Variants in SLC25A21 observed in about 807,000 individuals in gnomAD.
SLC25A21 encodes solute carrier family 25 member 21.
Under a neutral mutation model 43.8 loss-of-function variants are expected in SLC25A21, and 47 were observed. The observed-to-expected ratio is 1.07, with a 90% CI of 0.85 to 1.37. The LOEUF is 1.37. SLC25A21 is among the 40% of genes most tolerant of loss of function. SLC25A21 has a pLI of 0.00. For synonymous variants in SLC25A21, 131 were observed against 121.3 expected (o/e 1.08, Z -0.52); for missense variants, 352 against 350.2 (o/e 1.00, Z -0.04).
At chr14:36,747,320 A>T (rs1054734659) in intron 3 of SLC25A21, among the ~76,000 whole-genome samples, 2 of 152,218 alleles carry the variant, frequency 1.3e-5, no homozygotes, top group Non-Finnish European at 2.9e-5. Flanking sequence ...ACCACATGTT[A>T]GCTGTTTACC....
intron 7 of SLC25A21, among the ~76,000 whole-genome samples, chr14:36,700,219 A>T (rs1435725603): frequency 6.6e-6 from 1 of 152,090 alleles, no homozygotes; most frequent in Non-Finnish European, 1.5e-5. Context: ...AAAATAAAAC[A>T]CATTCTTCCT....
chr14:37,056,503 A>C (rs568005873), intron 1 of SLC25A21, among the ~76,000 whole-genome samples: 21 of 152,028 alleles, frequency 1.4e-4, no homozygotes, highest in African/African-American at 4.6e-4. Context: ...AAAAAAAAAA[A>C]AATTACCTAG....
chr14:37,095,764 C>A (rs1962677199), intron 1 of SLC25A21, among the ~76,000 whole-genome samples: 1 of 150,376 alleles, frequency 6.6e-6, no homozygotes, highest in Non-Finnish European at 1.5e-5. Context: ...GATATCCTGT[C>A]TTTAAAAAAA....
chr14:36,894,752 A>C (rs1392435863), intron 1 of SLC25A21, among the ~76,000 whole-genome samples: 2 of 152,094 alleles, frequency 1.3e-5, no homozygotes, highest in Non-Finnish European at 2.9e-5. Flanking sequence ...AGCAAGAAGC[A>C]TTGTTGAATT....
rs34721973 is a variant in SLC25A21 at position 36,989,886 on chromosome 14, C to CA, written c.71-114883dup. 1.5e-3 allele frequency among the ~76,000 whole-genome samples: 216 copies of CA among 148,138 alleles called. 2 individuals are homozygous for CA. The highest frequency in any genetic ancestry group is 5.1e-3 in the African/African-American group (204 of 40,350). ...GATATGAGCATATGACTTTCCTTTT[C>CA]AAAAAAAAAGGGAGAGAGAAAGAGA... is the stretch of plus-strand genomic sequence containing the variant. On this transcript the variant is annotated intron_variant, in intron 1 of 9. Transcript: ENST00000331299.
chr14:36,972,570 G>A (rs142919262), intron 1 of SLC25A21, among the ~76,000 whole-genome samples: 141 of 151,116 alleles, frequency 9.3e-4, no homozygotes, highest in African/African-American at 3.2e-3. Context: ...GGACAAGGCA[G>A]CAGATTCAAG....
intron 1 of SLC25A21, among the ~76,000 whole-genome samples, chr14:37,091,644 CTT>C (rs1349133439): frequency 6.6e-6 from 1 of 152,182 alleles, no homozygotes; most frequent in Non-Finnish European, 1.5e-5. Flanking sequence ...TTTTCCATCA[CTT>C]TGCACACGTC....
At chr14:37,166,739 C>T (rs1964035839) in intron 1 of SLC25A21, among the ~76,000 whole-genome samples, 2 of 152,152 alleles carry the variant, frequency 1.3e-5, no homozygotes, top group Non-Finnish European at 2.9e-5. Context: ...CAATCTGGGC[C>T]TTGGAAAATG....
At chr14:37,021,133 A>G (rs1460724733) in intron 1 of SLC25A21, among the ~76,000 whole-genome samples, 2 of 151,944 alleles carry the variant, frequency 1.3e-5, no homozygotes, top group Admixed American at 1.3e-4. Context: ...AGTTTGATTC[A>G]GGGAAAACGC....
At chr14:36,909,186 T>C (rs960256614) in intron 1 of SLC25A21, among the ~76,000 whole-genome samples, 1 of 152,102 alleles carries the variant, frequency 6.6e-6, no homozygotes, top group South Asian at 2.1e-4. Context: ...TGAGGTGACA[T>C]CCATGAAACC....
chr14:36,793,533 CA>C lies in SLC25A21; in HGVS notation c.203+20384del, dbSNP rs35553282. On this transcript the variant is annotated intron_variant, in intron 3 of 9. Coordinates refer to ENST00000331299, the MANE Select transcript of SLC25A21 (RefSeq NM_030631.4). Reference sequence around the variant, plus strand: ...CTCTGCTCCTCCCAGAAAATACAACCAAAAAAAAAAAAAAAACCCAGCATGA... The same window carrying C: ...CTCTGCTCCTCCCAGAAAATACAACCAAAAAAAAAAAAAAACCCAGCATGA... Among the ~76,000 whole-genome samples the C allele has an allele frequency of 3.1e-3, 384 of 125,882 alleles. 5 individuals are homozygous for C. The East Asian group carries it at 0.044, about 14-fold the overall frequency. The allele number at this position is 125,882 out of a possible 152,430, so 82.6% of individuals were successfully genotyped here.
At chr14:36,765,234 G>A (rs1566589795) in intron 3 of SLC25A21, among the ~76,000 whole-genome samples, 1 of 152,212 alleles carries the variant, frequency 6.6e-6, no homozygotes, top group South Asian at 2.1e-4. Context: ...GGCCCTGGAG[G>A]ATGAGACTTC....
At chr14:37,012,058 AG>A (rs1488174385) in intron 1 of SLC25A21, among the ~76,000 whole-genome samples, 1 of 152,202 alleles carries the variant, frequency 6.6e-6, no homozygotes. Context: ...TAGGATAGTC[AG>A]CTGGGCTATG....
chr14:36,876,509 A>G (rs1053830568), intron 1 of SLC25A21, among the ~76,000 whole-genome samples: 2 of 152,192 alleles, frequency 1.3e-5, no homozygotes, highest in East Asian at 3.9e-4. Context: ...ATCGCTGGAC[A>G]TGACAGCAAA....
chr14:36,711,588 T>A, intron 6 of SLC25A21, 106 bp from the exon 7 acceptor site: 1 of 1,277,296 alleles, frequency 7.8e-7, no homozygotes, highest in South Asian at 1.7e-5. Context: ...GGGACTTTTT[T>A]CCCCCAGATA....
chr14:36,958,997 T>C (rs1201115458), intron 1 of SLC25A21, among the ~76,000 whole-genome samples: 1 of 152,188 alleles, frequency 6.6e-6, no homozygotes, highest in East Asian at 1.9e-4. Flanking sequence ...AGTAAATAAA[T>C]GGTTCCACCC....
chr14:37,126,854 T>C (rs1384053266), intron 1 of SLC25A21, among the ~76,000 whole-genome samples: 3 of 152,194 alleles, frequency 2.0e-5, no homozygotes, highest in African/African-American at 4.8e-5. Flanking sequence ...CAATGGTTCA[T>C]TTTTTATAGA....
chr14:36,715,870 G>T (rs1389743522), intron 6 of SLC25A21, among the ~76,000 whole-genome samples: 1 of 152,182 alleles, frequency 6.6e-6, no homozygotes, highest in Non-Finnish European at 1.5e-5. Context: ...AAGGAGTGTG[G>T]ATCATGAGGT....
chr14:36,718,235 TAG>T (rs1884228388), intron 6 of SLC25A21, among the ~76,000 whole-genome samples: 2 of 152,310 alleles, frequency 1.3e-5, no homozygotes, highest in South Asian at 4.1e-4. Flanking sequence ...TAAATGATAA[TAG>T]AGAGACAACT....
Sources: allele counts gnomAD v4.1 joint callset (sites outside exome capture counted in the v4.1 genomes callset), GRCh38; gene constraint gnomAD v4.1.1; transcripts MANE v1.5; gene names NCBI Gene and HGNC (gene_info 2026-07-23, HGNC 2026-07-21).